Variants in PRC1 observed in about 807,000 individuals in gnomAD.
PRC1 encodes anaphase spindle elongation 1 homolog.
Under a neutral mutation model 91.2 loss-of-function variants are expected in PRC1, and 54 were observed. The ratio of observed to expected loss-of-function variants is 0.59; its 90% CI spans 0.48 to 0.74. The LOEUF is 0.74. Ranked by LOEUF, PRC1 falls within the 30% of genes least tolerant of loss-of-function variation. The pLI is 0.00. For missense variants in PRC1, 727 were observed against 746.2 expected (o/e 0.97, Z 0.30); for synonymous variants, 275 against 263.6 (o/e 1.04, Z -0.42).
rs2038027248 is a variant in PRC1 at position 90,970,513 on chromosome 15, A to C, written c.1463T>G (p.Leu488Arg). The change falls in exon 12 of 15, where the codon CTG becomes CGG. Residue 488 changes from leucine (L) to arginine (R), a missense_variant and splice_region_variant. By Grantham distance (102) the Leu-to-Arg change is moderately radical. Coordinates refer to ENST00000394249, the MANE Select transcript of PRC1 (RefSeq NM_003981.4). Reference sequence around the variant, plus strand: ...AGCATTGGACATGGTGGTAGTGTTCAGCTAGGGAGAAGAGCACGTGGGTAA... The same window carrying C: ...AGCATTGGACATGGTGGTAGTGTTCCGCTAGGGAGAAGAGCACGTGGGTAA... ...APNTPGKARK[L>R]NTTTMSNATA... 6.2e-7 allele frequency: 1 copy of C among 1,604,806 alleles called. No homozygotes were observed. Among genetic ancestry groups the C allele is most frequent in the Non-Finnish European group, 8.5e-7 (1 of 1,171,852 alleles).
At chr15:90,979,128 C>T in intron 8 of PRC1, 30 bp downstream of exon 8, 1 of 1,601,932 alleles carries the variant, frequency 6.2e-7, no homozygotes. Context: ...GCTTTCTTAA[C>T]AGTTAAAAAC....
intron 1 of PRC1, chr15:90,987,918 GC>G (rs2039704010): frequency 6.6e-6 from 1 of 152,142 alleles, no homozygotes; most frequent in Non-Finnish European, 1.5e-5. Flanking sequence ...TTTAGAGGTT[GC>G]CCGTCCTTGT....
At chr15:90,994,196 G>A (rs1013817692) in intron 1 of PRC1, among the ~76,000 whole-genome samples, 2 of 152,052 alleles carry the variant, frequency 1.3e-5, no homozygotes, top group African/African-American at 4.8e-5. Context: ...GGCCGCCGGC[G>A]GACAGCGCGT....
At chr15:90,990,049 T>TC (rs1190450647) in intron 1 of PRC1, among the ~76,000 whole-genome samples, 2 of 152,168 alleles carry the variant, frequency 1.3e-5, no homozygotes, top group Non-Finnish European at 2.9e-5. Flanking sequence ...CAATAAAATT[T>TC]TTTTTTAGGC....
At position 90,989,141 on chromosome 15, in the gene PRC1, T is replaced by C. The variant is rs781232448; in HGVS notation, c.12-4316A>G. Among the ~76,000 whole-genome samples the C allele has an allele frequency of 3.9e-5, 6 of 152,156 alleles. No individual in the cohort carries two copies. The East Asian group carries it at 5.8e-4, about 15-fold the overall frequency. On this transcript the variant is annotated intron_variant, in intron 1 of 14. Coordinates refer to ENST00000394249, the MANE Select transcript of PRC1 (RefSeq NM_003981.4). ...CAGGATGGTATAATAAAAAAAAATA[T>C]ATAGCAAAAAGTATTGGTGAGAATC...
chr15:90,979,439 G>C lies in PRC1; in HGVS notation c.971-145C>G, dbSNP rs1311441363. ...AAGAGGCGTGTGTGTGTGTGTAATA[G>C]ATATATAGTGGTTAATAAAAACCAG... On this transcript the variant is annotated intron_variant, in intron 7 of 14. Transcript: ENST00000394249. 3 of 937,062 alleles carry C rather than the reference G, an allele frequency of 3.2e-6. No homozygotes were observed. In the East Asian group the frequency reaches 7.6e-5, roughly 24 times the overall value. The allele number at this position is 937,062 out of a possible 1,614,324, so 58.0% of individuals were successfully genotyped here. A position where few individuals can be genotyped will look rare whatever the true frequency, so the allele number is the denominator to read the frequency against.
Position 90,966,801 on chromosome 15 carries a change from T to G in PRC1, c.*330A>C. ...CCAGGGATGGGCATAGTCAATCATT[T>G]TCCTACAGTGGTGAAATAAAACAAG... On this transcript the variant is annotated 3_prime_UTR_variant, in exon 15 of 15. Coordinates refer to ENST00000394249, the MANE Select transcript of PRC1 (RefSeq NM_003981.4). 1 of 442,186 alleles carries G rather than the reference T, an allele frequency of 2.3e-6. No individual in the cohort carries two copies. The highest frequency in any genetic ancestry group is 4.3e-6 in the Non-Finnish European group (1 of 233,712). The allele number at this position is 442,186 out of a possible 1,614,324, so 27.4% of individuals were successfully genotyped here.
Position 90,981,685 on chromosome 15 carries a change from A to G in PRC1, c.502-16T>C, listed in dbSNP as rs147700515. On this transcript the variant is annotated splice_polypyrimidine_tract_variant and intron_variant, in intron 4 of 14. Transcript: ENST00000394249. The stretch of plus-strand genomic sequence containing the variant: ...GCCTAGAAGCCTTTAAAACAAAGCA[A>G]TTACAAGATACCTAGAGGAAAACCA... 5,535 of 1,611,204 alleles carry G rather than the reference A, an allele frequency of 3.4e-3. 15 individuals carry two copies. The highest frequency in any genetic ancestry group is 4.0e-3 in the Non-Finnish European group (4,757 of 1,177,670).
rs748704550 is a variant in PRC1, at chr15:90,984,794, G to A, written c.43C>T (p.Leu15=). 1 of 1,614,130 alleles carries A rather than the reference G, an allele frequency of 6.2e-7. No homozygotes were observed. Among genetic ancestry groups the A allele is most frequent in the East Asian group, 2.2e-5 (1 of 44,878 alleles). ...CGAAGGTGATTTAGGGCTTTCTGCA[G>A]ACATACTATGGACTCCTCCGCCAGC... ...EVLAEESIVC[L]QKALNHLREI... The change falls in exon 2 of 15, where the codon CTG becomes TTG. Residue 15 remains leucine, a synonymous_variant. Transcript: ENST00000394249. This position sits in a 1 kb window ranked among gnomAD's most constrained non-coding sequence, Gnocchi z 5.1.
chr15:90,987,137 C>T (rs577152191), intron 1 of PRC1, among the ~76,000 whole-genome samples: 9 of 150,234 alleles, frequency 6.0e-5, no homozygotes, highest in East Asian at 2.0e-4. Context: ...AAAAATTAGC[C>T]GGGCACGGTG....
intron 14 of PRC1, 158 bp downstream of exon 14, chr15:90,968,920 GT>G (rs1295542397): frequency 1.4e-6 from 2 of 1,462,956 alleles, no homozygotes; most frequent in Admixed American, 5.1e-5. Flanking sequence ...TGTTGTGAAT[GT>G]AAATCAGATG....
intron 7 of PRC1, 61 bp from the exon 8 acceptor site, chr15:90,979,355 C>T (rs746242843): frequency 3.2e-5 from 48 of 1,523,418 alleles, no homozygotes; most frequent in Admixed American, 1.6e-4. Flanking sequence ...TCCAATTTTA[C>T]GAATCCCCGA....
rs1420537008 is a variant in PRC1 at position 90,966,409 on chromosome 15, G to C, written c.*722C>G. 2.9e-5 allele frequency: 10 copies of C among 345,688 alleles called. No homozygotes were observed. The highest frequency in any genetic ancestry group is 2.8e-4 in the Admixed American group (8 of 28,688). The allele number at this position is 345,688 out of a possible 1,614,324, so 21.4% of individuals were successfully genotyped here. On this transcript the variant is annotated 3_prime_UTR_variant, in exon 15 of 15. Coordinates refer to ENST00000394249, the MANE Select transcript of PRC1 (RefSeq NM_003981.4). ...GTGGCTGGCAACTGCGGGGGTAGAAGAACTCAGGCAAAGTAGGCACAGGAA... is the reference window on the plus strand; with the variant it reads ...GTGGCTGGCAACTGCGGGGGTAGAACAACTCAGGCAAAGTAGGCACAGGAA...
At chr15:90,968,276 C>G (rs142085408) in intron 14 of PRC1, 2 of 985,294 alleles carry the variant, frequency 2.0e-6, no homozygotes, top group East Asian at 2.3e-4. Context: ...GCACCACCAG[C>G]CACGTAATTT....
chr15:90,980,821 T>A, intron 6 of PRC1, 63 bp downstream of exon 6: 1 of 1,605,782 alleles, frequency 6.2e-7, no homozygotes, highest in Non-Finnish European at 8.5e-7. Context: ...AACAACAGTC[T>A]TTATGACTAA....
At chr15:90,988,215 T>C (rs931691906) in intron 1 of PRC1, 3 of 152,174 alleles carry the variant, frequency 2.0e-5, no homozygotes, top group Admixed American at 6.5e-5. Flanking sequence ...AAAATCCTAA[T>C]ATTACCATTT....
chr15:90,993,661 C>T (rs188028986), intron 1 of PRC1, among the ~76,000 whole-genome samples: 2 of 152,344 alleles, frequency 1.3e-5, no homozygotes, highest in Non-Finnish European at 2.9e-5. Flanking sequence ...GACAGTCCCT[C>T]CCCAACACCG....
Position 90,974,828 on chromosome 15 carries a change from G to A in PRC1, c.1204-97C>T, listed in dbSNP as rs1349807146. The A allele has an allele frequency of 1.4e-6, 2 of 1,421,548 alleles. No homozygotes were observed. Among genetic ancestry groups the A allele is most frequent in the Non-Finnish European group, 9.8e-7 (1 of 1,023,160 alleles). The allele number at this position is 1,421,548 out of a possible 1,614,324, so 88.1% of individuals were successfully genotyped here. ...TAGAGAGTGACTCCTCCTCCCCAGA[G>A]CATCATTAGCCTCATTTCAGGTAGC... On this transcript the variant is annotated intron_variant, in intron 9 of 14. Coordinates refer to ENST00000394249, the MANE Select transcript of PRC1 (RefSeq NM_003981.4). The surrounding 1 kb of genome is among the most constrained non-coding windows in gnomAD (Gnocchi z 4.6).
chr15:90,980,123 A>C, intron 7 of PRC1, 119 bp downstream of exon 7: 1 of 1,319,614 alleles, frequency 7.6e-7, no homozygotes, highest in Non-Finnish European at 1.0e-6. Context: ...TGGTGGCCCA[A>C]CACTTTGGGA....
Sources: gnomAD v4.1 joint callset for allele counts (sites outside exome capture counted in the v4.1 genomes callset) on GRCh38, gnomAD v4.1.1 for gene constraint, Gnocchi (gnomAD v3.1) non-coding constraint, MANE v1.5 for transcripts, NCBI Gene and HGNC (gene_info 2026-07-23, HGNC 2026-07-21) for gene names.